Variants in KLHL3 observed in about 807,000 individuals in gnomAD.
KLHL3 encodes kelch like family member 3, also known as kelch-like protein 3.
KLHL3 carries 19 observed loss-of-function variants against 70.5 expected under a neutral mutation model. The ratio of observed to expected loss-of-function variants is 0.27; its 90% CI spans 0.19 to 0.40. The LOEUF is 0.40. KLHL3 is among the 10% of genes least tolerant of loss of function. The probability of loss-of-function intolerance (pLI) is 1.00; values close to 1 mark genes in which losing one functional copy is unlikely to be tolerated. For synonymous variants in KLHL3, 258 were observed against 290.3 expected (o/e 0.89, Z 1.13); for missense variants, 512 against 771.1 (o/e 0.66, Z 3.98).
chr5:137,659,144 T>C (rs144727352), intron 7 of KLHL3, among the ~76,000 whole-genome samples: 339 of 152,318 alleles, frequency 2.2e-3, no homozygotes, highest in African/African-American at 7.6e-3. Context: ...TTAGGAAAGA[T>C]CAATTCCATT....
chr5:137,733,666 G>A (rs1185519465), intron 1 of KLHL3, among the ~76,000 whole-genome samples: 1 of 152,168 alleles, frequency 6.6e-6, no homozygotes, highest in Non-Finnish European at 1.5e-5. Context: ...GAATAACCTT[G>A]ATAGATAGAT....
intron 14 of KLHL3, among the ~76,000 whole-genome samples, 186 bp downstream of exon 14, chr5:137,625,567 A>G (rs1750438357): frequency 6.6e-6 from 1 of 152,160 alleles, no homozygotes; most frequent in East Asian, 1.9e-4. Context: ...GCTAATTATC[A>G]ATATCTGTCA....
chr5:137,680,546 CTTT>C (rs1170112144), intron 5 of KLHL3, among the ~76,000 whole-genome samples: 3 of 140,408 alleles, frequency 2.1e-5, no homozygotes, highest in African/African-American at 5.2e-5. Context: ...AACACTTTTT[CTTT>C]TTTTTTTTTT....
At chr5:137,699,020 C>A (rs1003889863) in intron 3 of KLHL3, among the ~76,000 whole-genome samples, 1 of 152,120 alleles carries the variant, frequency 6.6e-6, no homozygotes, top group Non-Finnish European at 1.5e-5. Context: ...CACAGTCACA[C>A]ACCTAGGAAA....
intron 2 of KLHL3, among the ~76,000 whole-genome samples, chr5:137,715,682 C>T (rs1752878790): frequency 6.6e-6 from 1 of 152,178 alleles, no homozygotes; most frequent in Non-Finnish European, 1.5e-5. Context: ...CTAATGCTTA[C>T]AGAATATTCA....
intron 8 of KLHL3, among the ~76,000 whole-genome samples, chr5:137,651,040 G>C (rs1171248718): frequency 6.6e-6 from 1 of 152,176 alleles, no homozygotes; most frequent in Non-Finnish European, 1.5e-5. Context: ...AGGATATAAA[G>C]TAGGATATAA....
At chr5:137,640,459 G>T (rs1750885211) in intron 8 of KLHL3, among the ~76,000 whole-genome samples, 1 of 152,192 alleles carries the variant, frequency 6.6e-6, no homozygotes, top group Admixed American at 6.5e-5. Context: ...CCTGTGAGAT[G>T]TTTATTACAA....
At chr5:137,708,832 T>C (rs1169690898) in intron 3 of KLHL3, among the ~76,000 whole-genome samples, 1 of 152,122 alleles carries the variant, frequency 6.6e-6, no homozygotes, top group Non-Finnish European at 1.5e-5. Context: ...ATGGGCATTA[T>C]AGATTCCAGG....
At chr5:137,674,618 C>T (rs1751842140) in intron 6 of KLHL3, among the ~76,000 whole-genome samples, 1 of 152,104 alleles carries the variant, frequency 6.6e-6, no homozygotes, top group South Asian at 2.1e-4. Context: ...TCATAATTGC[C>T]GTTATGCTGT....
rs12523422 is a variant in KLHL3, at chr5:137,643,949, T to G, written c.904-3972A>C. Among the ~76,000 whole-genome samples, 841 of 152,296 alleles carry G rather than the reference T, an allele frequency of 5.5e-3. 4 individuals are homozygous for G. The highest frequency in any genetic ancestry group is 9.4e-3 in the Non-Finnish European group (638 of 68,020). On this transcript the variant is annotated intron_variant, in intron 8 of 14. Transcript: ENST00000309755. Reference sequence around the variant, plus strand: ...TCTCTACTTCTACGAGTTTGTCTGTTTTAGATTTCATATATAAGTGAAATC... The same window carrying G: ...TCTCTACTTCTACGAGTTTGTCTGTGTTAGATTTCATATATAAGTGAAATC...
At position 137,639,056 on chromosome 5, in the gene KLHL3, G is replaced by A. The variant is rs754236886; in HGVS notation, c.1116C>T (p.Asp372=). The A allele has an allele frequency of 5.0e-6, 8 of 1,613,962 alleles. No homozygotes were observed. The Admixed American group carries it at 1.3e-4, about 27-fold the overall frequency. The part of the protein sequence containing the change: ...RTVDVYDGVK[D]QWTSIASMQE... ...GCATGCTGGCAATGGACGTCCACTGGTCCTTCACGCCGTCATACACATCCA... is the reference window on the plus strand; with the variant it reads ...GCATGCTGGCAATGGACGTCCACTGATCCTTCACGCCGTCATACACATCCA... The change falls in exon 10 of 15, where the codon GAC becomes GAT. Residue 372 remains aspartate (D), a synonymous_variant. Coordinates refer to ENST00000309755, the MANE Select transcript of KLHL3 (RefSeq NM_017415.3). This position sits in a 1 kb window ranked among gnomAD's most constrained non-coding sequence, Gnocchi z 5.0.
chr5:137,630,795 A>G (rs1750615879), intron 12 of KLHL3, among the ~76,000 whole-genome samples: 1 of 152,158 alleles, frequency 6.6e-6, no homozygotes, highest in Non-Finnish European at 1.5e-5. Context: ...CAGCAGACCC[A>G]GCACCAAGTC....
intron 2 of KLHL3, among the ~76,000 whole-genome samples, chr5:137,710,757 T>C (rs747790830): frequency 6.6e-6 from 1 of 152,226 alleles, no homozygotes; most frequent in Non-Finnish European, 1.5e-5. Flanking sequence ...TTGAGTTATA[T>C]GTGCCAGGCA....
chr5:137,719,367 A>G (rs922797516), intron 2 of KLHL3, among the ~76,000 whole-genome samples: 5 of 152,262 alleles, frequency 3.3e-5, no homozygotes, highest in Non-Finnish European at 7.3e-5. Context: ...GCTAGAGATA[A>G]AAATTACTCA....
chr5:137,729,441 T>C lies in KLHL3; in HGVS notation c.14+6192A>G, dbSNP rs191668918. Among the ~76,000 whole-genome samples, 136 of 152,322 alleles carry C rather than the reference T, an allele frequency of 8.9e-4. 1 individual carries two copies. In the South Asian group the frequency reaches 9.9e-3, roughly 11 times the overall value. On this transcript the variant is annotated intron_variant, in intron 1 of 14. Transcript: ENST00000309755. Reference sequence around the variant, plus strand: ...GGTTCAGCCTCAGGTCAGATCCTCATGGTGGAGTTTGAAGTCTGTAAATAC... The same window carrying C: ...GGTTCAGCCTCAGGTCAGATCCTCACGGTGGAGTTTGAAGTCTGTAAATAC...
At chr5:137,652,852 A>C (rs1751238019) in intron 8 of KLHL3, among the ~76,000 whole-genome samples, 1 of 152,260 alleles carries the variant, frequency 6.6e-6, no homozygotes, top group African/African-American at 2.4e-5. Context: ...GATGTAATAC[A>C]TATGTTAATT....
Position 137,622,031 on chromosome 5 carries a change from G to T in KLHL3, c.*67C>A. On this transcript the variant is annotated 3_prime_UTR_variant, in exon 15 of 15. Coordinates refer to ENST00000309755, the MANE Select transcript of KLHL3 (RefSeq NM_017415.3). ...AAGCAAGTTGAATCCAGTCACCAAGGTCCTGCTGTTCAGAGTCACAGGCAG... is the reference window on the plus strand; with the variant it reads ...AAGCAAGTTGAATCCAGTCACCAAGTTCCTGCTGTTCAGAGTCACAGGCAG... The T allele has an allele frequency of 6.5e-7, 1 of 1,546,958 alleles. No individual in the cohort carries two copies. Among genetic ancestry groups the T allele is most frequent in the Non-Finnish European group, 8.9e-7 (1 of 1,118,638 alleles).
At chr5:137,708,112 T>C (rs1323833221) in intron 3 of KLHL3, among the ~76,000 whole-genome samples, 1 of 152,236 alleles carries the variant, frequency 6.6e-6, no homozygotes, top group South Asian at 2.1e-4. Flanking sequence ...AATTTCCAGA[T>C]ACTGAACTTA....
intron 5 of KLHL3, among the ~76,000 whole-genome samples, chr5:137,680,263 G>A (rs1580755360): frequency 6.6e-6 from 1 of 152,156 alleles, no homozygotes; most frequent in East Asian, 1.9e-4. Context: ...TATTAATGGA[G>A]AATGTAGTAA....
Sources: gnomAD v4.1 joint callset for allele counts (sites outside exome capture counted in the v4.1 genomes callset) on GRCh38, gnomAD v4.1.1 for gene constraint, Gnocchi (gnomAD v3.1) non-coding constraint, MANE v1.5 for transcripts, NCBI Gene and HGNC (gene_info 2026-07-23, HGNC 2026-07-21) for gene names.